Variants in EIF4ENIF1 observed in about 807,000 individuals in gnomAD.
The protein encoded by EIF4ENIF1 is eukaryotic translation initiation factor 4E transporter.
EIF4ENIF1 carries 23 observed loss-of-function variants against 110.5 expected under a neutral mutation model. That is an observed-to-expected ratio of 0.21 (90% confidence interval 0.15 to 0.29). The LOEUF is 0.29. Among genes scored for constraint, EIF4ENIF1 ranks in the 10% least tolerant of loss-of-function variants. The probability of loss-of-function intolerance (pLI) is 1.00; values close to 1 mark genes in which losing one functional copy is unlikely to be tolerated. For missense variants in EIF4ENIF1, 1,031 were observed against 1,221.1 expected, an observed-to-expected ratio of 0.84 and a Z score of 2.32; for synonymous variants, 440 against 437.0, an observed-to-expected ratio of 1.01 and a Z score of -0.09.
At chr22:31,485,121 TAACACTGCCTA>T (rs2051971250) in intron 2 of EIF4ENIF1, among the ~76,000 whole-genome samples, 1 of 152,232 alleles carries the variant, frequency 6.6e-6, no homozygotes, top group Non-Finnish European at 1.5e-5. Flanking sequence ...AGCACTACCC[TAACACTGCCTA>T]AACACTATCC....
intron 2 of EIF4ENIF1, among the ~76,000 whole-genome samples, chr22:31,473,038 T>C (rs971152567): frequency 6.6e-6 from 1 of 152,088 alleles, no homozygotes; most frequent in Non-Finnish European, 1.5e-5. Flanking sequence ...AAGCCAAGTT[T>C]TTTTGGCTTC....
At chr22:31,456,273 G>T (rs1235088609) in intron 7 of EIF4ENIF1, among the ~76,000 whole-genome samples, 5 of 148,654 alleles carry the variant, frequency 3.4e-5, no homozygotes, top group South Asian at 4.2e-4. Context: ...ACCCAGGCTG[G>T]AGTGCAGTGG....
At chr22:31,453,227 A>G (rs1190408479) in intron 10 of EIF4ENIF1, 3 of 250,012 alleles carry the variant, frequency 1.2e-5, no homozygotes, top group East Asian at 2.0e-4. Flanking sequence ...GAACCAGTAT[A>G]TTATAAACAT....
intron 15 of EIF4ENIF1, among the ~76,000 whole-genome samples, chr22:31,444,130 A>G (rs2050389080): frequency 6.6e-6 from 1 of 152,210 alleles, no homozygotes; most frequent in African/African-American, 2.4e-5. Flanking sequence ...AATGATAGTT[A>G]TAAAACTAGA....
At chr22:31,455,812 C>G (rs982889723) in intron 8 of EIF4ENIF1, 40 bp downstream of exon 8, 2 of 1,610,418 alleles carry the variant, frequency 1.2e-6, no homozygotes, top group Non-Finnish European at 1.7e-6. Flanking sequence ...AGGGAAAAAC[C>G]CAGGTTTACC....
chr22:31,441,702 C>G, intron 17 of EIF4ENIF1, 72 bp downstream of exon 17: 1 of 1,278,814 alleles, frequency 7.8e-7, no homozygotes, highest in Non-Finnish European at 1.1e-6. Context: ...CACATTATAG[C>G]ACTTCATCAG....
At chr22:31,453,522 A>G (rs559813451) in intron 10 of EIF4ENIF1, 27 of 219,386 alleles carry the variant, frequency 1.2e-4, no homozygotes, top group African/African-American at 6.1e-4. Flanking sequence ...TTACAGGCGC[A>G]TGCCCCCACG....
intron 6 of EIF4ENIF1, among the ~76,000 whole-genome samples, chr22:31,459,381 T>C (rs1170007323): frequency 6.6e-6 from 1 of 152,156 alleles, no homozygotes; most frequent in Non-Finnish European, 1.5e-5. Flanking sequence ...CCTAAGGTAT[T>C]TATGAGAAAC....
chr22:31,448,380 CCCCAACAG>C (rs1364618907), intron 12 of EIF4ENIF1, 148 bp from the exon 13 acceptor site: 4 of 798,686 alleles, frequency 5.0e-6, no homozygotes, highest in Non-Finnish European at 4.2e-6. Context: ...TCCCTCTGTG[CCCCAACAG>C]TGGGCTATGT....
At chr22:31,479,223 T>C (rs2051716487) in intron 2 of EIF4ENIF1, among the ~76,000 whole-genome samples, 1 of 151,990 alleles carries the variant, frequency 6.6e-6, no homozygotes, top group African/African-American at 2.4e-5. Flanking sequence ...CATGCCGCCA[T>C]GCCCGGCTAA....
chr22:31,451,638 C>T (rs1046757937), intron 10 of EIF4ENIF1, among the ~76,000 whole-genome samples: 3 of 152,014 alleles, frequency 2.0e-5, no homozygotes, highest in African/African-American at 7.2e-5. Context: ...AATTCAAATC[C>T]TCCACTCTTA....
rs1227597607 is a variant in EIF4ENIF1, at chr22:31,463,865, C to T, written c.401G>A (p.Arg134Gln). The change falls in exon 5 of 19, where the codon CGG becomes CAG. Residue 134 changes from arginine (R) to glutamine (Q), a missense_variant. By Grantham distance (43) the Arg-to-Gln change is conservative. Transcript: ENST00000330125. ...TTTCTCTAATGGACTTCCTGAGCGC[C>T]GGGAGCTAACAGCGGCTGTCACGTG... is the stretch of plus-strand genomic sequence containing the variant. ...GCHVTAAVSSRRSGSPLEKDS... is the reference protein window; with the variant it reads ...GCHVTAAVSSQRSGSPLEKDS... The T allele has an allele frequency of 3.7e-6, 6 of 1,613,956 alleles. No individual in the cohort carries two copies. Among genetic ancestry groups the T allele is most frequent in the African/African-American group, 1.3e-5 (1 of 74,872 alleles).
chr22:31,471,168 T>C (rs769449704), intron 3 of EIF4ENIF1, among the ~76,000 whole-genome samples: 76 of 152,124 alleles, frequency 5.0e-4, no homozygotes, highest in Non-Finnish European at 9.4e-4. Flanking sequence ...AAAGCTAATC[T>C]GAACGGCTGA....
chr22:31,467,243 T>A (rs2051220487), intron 4 of EIF4ENIF1, among the ~76,000 whole-genome samples: 1 of 152,200 alleles, frequency 6.6e-6, no homozygotes, highest in South Asian at 2.1e-4. Context: ...ATTACTGTAC[T>A]GAGTGTACTG....
At chr22:31,484,008 G>C (rs1601656792) in intron 2 of EIF4ENIF1, among the ~76,000 whole-genome samples, 1 of 152,162 alleles carries the variant, frequency 6.6e-6, no homozygotes, top group African/African-American at 2.4e-5. Context: ...ATTCTTCGAA[G>C]CACAATGAAC....
chr22:31,464,699 A>AAAAT (rs1304121964), intron 4 of EIF4ENIF1, among the ~76,000 whole-genome samples: 11 of 39,130 alleles, frequency 2.8e-4, no homozygotes, highest in African/African-American at 8.7e-4. Flanking sequence ...AAAAAAAAAA[A>AAAAT]ATATATATAT....
rs746046329 is a variant in EIF4ENIF1, at chr22:31,450,347, C to T, written c.1526G>A (p.Ser509Asn). Reference sequence around the variant, plus strand: ...AATCTCAGCAGGGGACATCAAATGGCTTTCAAGGTTTCGCTAAAAGAGTCA... The same window carrying T: ...AATCTCAGCAGGGGACATCAAATGGTTTTCAAGGTTTCGCTAAAAGAGTCA... ...SQPKVSRNLE[S>N]HLMSPAEIPG... Residue 509 changes from serine (S) to asparagine (N), a missense_variant, in exon 11 of 19, where the codon AGC becomes AAC. Physicochemically the swap from Ser to Asn is conservative, Grantham distance 46 (BLOSUM62 1). This residue lies in a region of EIF4ENIF1 where 704 missense variants were observed against 879.7 expected (regional missense o/e 0.80). Transcript: ENST00000330125. 1.9e-6 allele frequency: 3 copies of T among 1,613,328 alleles called. No individual in the cohort carries two copies. Among genetic ancestry groups the T allele is most frequent in the Non-Finnish European group, 2.5e-6 (3 of 1,179,456 alleles).
chr22:31,484,005 G>A (rs1319476835), intron 2 of EIF4ENIF1, among the ~76,000 whole-genome samples: 2 of 152,092 alleles, frequency 1.3e-5, no homozygotes, highest in African/African-American at 4.8e-5. Context: ...AATATTCTTC[G>A]AAGCACAATG....
chr22:31,446,530 GGTA>G (rs982308202), intron 14 of EIF4ENIF1, among the ~76,000 whole-genome samples: 7 of 151,984 alleles, frequency 4.6e-5, no homozygotes, highest in Non-Finnish European at 2.9e-5. Context: ...GAGGCACTGT[GGTA>G]GTAACTTTAA....
Sources: allele counts gnomAD v4.1 joint callset (sites outside exome capture counted in the v4.1 genomes callset), GRCh38; gene constraint gnomAD v4.1.1; regional missense constraint gnomAD v4.1.1; transcripts MANE v1.5; gene names NCBI Gene and HGNC (gene_info 2026-07-23, HGNC 2026-07-21).